The following TAFA5 variants were observed in gnomAD, a reference collection of about 807,000 sequenced individuals.
TAFA5 encodes the protein TAFA chemokine like family member 5.
Under a neutral mutation model 15.3 loss-of-function variants are expected in TAFA5, and 6 were observed. That is an observed-to-expected ratio of 0.39 (90% CI 0.21 to 0.77). The LOEUF (loss-of-function observed/expected upper bound fraction) is 0.77. TAFA5 is among the 30% of genes least tolerant of loss of function. The probability of loss-of-function intolerance (pLI) is 0.41; values close to 1 mark genes in which losing one functional copy is unlikely to be tolerated. For synonymous variants in TAFA5, 103 were observed against 80.7 expected, an observed-to-expected ratio of 1.28 and a Z score of -1.48; for missense variants, 161 against 193.1, an observed-to-expected ratio of 0.83 and a Z score of 0.98.
intron 1 of TAFA5, among the ~76,000 whole-genome samples, chr22:48,625,446 TGTTCA>T (rs1925995146): frequency 6.6e-6 from 1 of 152,250 alleles, no homozygotes; most frequent in African/African-American, 2.4e-5. Context: ...TGCAGCTCAC[TGTTCA>T]GTTCAAGTAT....
chr22:48,646,511 C>T, intron 1 of TAFA5, 86 bp from the exon 2 acceptor site: 1 of 1,521,192 alleles, frequency 6.6e-7, no homozygotes, highest in Non-Finnish European at 8.9e-7. Flanking sequence ...TGCTGGGGGC[C>T]CCTCTGTGGG....
chr22:48,539,109 C>T (rs1922271374), intron 1 of TAFA5: 1 of 259,466 alleles, frequency 3.9e-6, no homozygotes, highest in Non-Finnish European at 7.7e-6. Context: ...GGCTGAATCC[C>T]GGGGAGAGAA....
chr22:48,504,207 A>G (rs892605316), intron 1 of TAFA5, among the ~76,000 whole-genome samples: 1 of 152,158 alleles, frequency 6.6e-6, no homozygotes, highest in African/African-American at 2.4e-5. Flanking sequence ...AGGCCACCTT[A>G]TCTTGTGGCT....
intron 3 of TAFA5, among the ~76,000 whole-genome samples, chr22:48,743,752 C>T (rs1930248644): frequency 6.6e-6 from 1 of 152,226 alleles, no homozygotes; most frequent in African/African-American, 2.4e-5. Context: ...GCTCCTCTAC[C>T]CTGAGGGAAA....
rs1396945629 is a variant in TAFA5 at position 48,725,329 on chromosome 22, A to G, written c.390+17485A>G. ...TTTTTTTTTAAGCCTCAAAGTCAAA[A>G]CTCAAGTATGAGCCCGTAAAAAAGT... On this transcript the variant is annotated intron_variant, in intron 3 of 3. Transcript: ENST00000402357. 2.6e-5 allele frequency among the ~76,000 whole-genome samples: 4 copies of G among 152,194 alleles called. No individual in the cohort carries two copies. The East Asian group carries it at 7.7e-4, about 29-fold the overall frequency.
At chr22:48,724,068 C>T (rs984736938) in intron 3 of TAFA5, among the ~76,000 whole-genome samples, 2 of 152,162 alleles carry the variant, frequency 1.3e-5, no homozygotes, top group African/African-American at 2.4e-5. Flanking sequence ...AGGAGAGACT[C>T]GGGGTTCTGG....
chr22:48,689,391 T>A (rs1928467649), intron 2 of TAFA5, among the ~76,000 whole-genome samples: 1 of 152,122 alleles, frequency 6.6e-6, no homozygotes, highest in Non-Finnish European at 1.5e-5. Flanking sequence ...CTCTGAGTTC[T>A]GAGAGGGATT....
At chr22:48,538,421 C>T (rs969802598) in intron 1 of TAFA5, among the ~76,000 whole-genome samples, 7 of 152,226 alleles carry the variant, frequency 4.6e-5, no homozygotes, top group African/African-American at 1.7e-4. Flanking sequence ...TATTGGCTGG[C>T]GAGCTTTCCC....
rs542433346 is a variant in TAFA5, at chr22:48,524,998, C to T, written c.112+35294C>T. Among the ~76,000 whole-genome samples, 8 of 152,134 alleles carry T rather than the reference C, an allele frequency of 5.3e-5. No individual in the cohort carries two copies. The South Asian group carries it at 8.3e-4, about 16-fold the overall frequency. ...CCTCCATCTTCAGAGCCTGTAGAGC[C>T]GCAACTTCTCTCCGCCCTGCCCTCA... On this transcript the variant is annotated intron_variant, in intron 1 of 3. Transcript: ENST00000402357.
At position 48,712,779 on chromosome 22, in the gene TAFA5, A is replaced by G. The variant is rs1929291982; in HGVS notation, c.390+4935A>G. On this transcript the variant is annotated intron_variant, in intron 3 of 3. Transcript: ENST00000402357. ...TCCTGCTCCCTGGGGACAGGCCTAG[A>G]GCTGCTGTCCGCCCTCCTTCCCATT... 3.3e-5 allele frequency among the ~76,000 whole-genome samples: 5 copies of G among 152,280 alleles called. 1 individual carries two copies. In the South Asian group the frequency reaches 1.0e-3, roughly 32 times the overall value.
At chr22:48,597,310 A>G (rs1191842802) in intron 1 of TAFA5, among the ~76,000 whole-genome samples, 1 of 116,272 alleles carries the variant, frequency 8.6e-6, no homozygotes, top group Non-Finnish European at 1.8e-5. Context: ...TCCCCTCTCT[A>G]CCGGCTGGCT....
intron 2 of TAFA5, among the ~76,000 whole-genome samples, chr22:48,663,044 G>A (rs1205188151): frequency 6.6e-6 from 1 of 152,234 alleles, no homozygotes; most frequent in Non-Finnish European, 1.5e-5. Flanking sequence ...GAGGGACGTG[G>A]GGATGCTTGG....
At chr22:48,595,582 C>T (rs182191230) in intron 1 of TAFA5, among the ~76,000 whole-genome samples, 92 of 152,360 alleles carry the variant, frequency 6.0e-4, no homozygotes, top group South Asian at 2.3e-3. Flanking sequence ...GCATCCGTTC[C>T]GTGGACAAGC....
At chr22:48,743,517 AT>A (rs1230950870) in intron 3 of TAFA5, among the ~76,000 whole-genome samples, 1 of 152,174 alleles carries the variant, frequency 6.6e-6, no homozygotes, top group Non-Finnish European at 1.5e-5. Flanking sequence ...CAGGATCTTC[AT>A]GTCTGTTACT....
intron 3 of TAFA5, among the ~76,000 whole-genome samples, chr22:48,740,406 T>G (rs536592199): frequency 6.6e-6 from 1 of 152,324 alleles, no homozygotes; most frequent in African/African-American, 2.4e-5. Flanking sequence ...TGTTTGCAGA[T>G]AAGACACAGC....
chr22:48,682,514 T>G (rs1302265006), intron 2 of TAFA5, among the ~76,000 whole-genome samples: 2 of 152,244 alleles, frequency 1.3e-5, no homozygotes, highest in Non-Finnish European at 2.9e-5. Context: ...AAAAGAGGTC[T>G]TCTTGACATC....
At chr22:48,729,955 A>G (rs1168800026) in intron 3 of TAFA5, among the ~76,000 whole-genome samples, 1 of 151,986 alleles carries the variant, frequency 6.6e-6, no homozygotes, top group Non-Finnish European at 1.5e-5. Context: ...CCCACCCAGC[A>G]TTGTCCCGAG....
At chr22:48,718,113 G>A (rs147633223) in intron 3 of TAFA5, among the ~76,000 whole-genome samples, 18 of 152,262 alleles carry the variant, frequency 1.2e-4, no homozygotes, top group Non-Finnish European at 2.4e-4. Flanking sequence ...GAGCAGAAGC[G>A]GAGGGCCCGG....
chr22:48,624,716 T>C (rs1925967374), intron 1 of TAFA5, among the ~76,000 whole-genome samples: 1 of 152,204 alleles, frequency 6.6e-6, no homozygotes, highest in Non-Finnish European at 1.5e-5. Flanking sequence ...CAGTGACTCC[T>C]GGCTCATCCT....
Sources: allele counts gnomAD v4.1 joint callset (sites outside exome capture counted in the v4.1 genomes callset), GRCh38; gene constraint gnomAD v4.1.1; transcripts MANE v1.5; gene names NCBI Gene and HGNC (gene_info 2026-07-23, HGNC 2026-07-21).